INPP4B: variants seen among roughly 807,000 people sequenced by gnomAD.
The protein encoded by INPP4B is inositol polyphosphate 4-phosphatase type II.
Under a neutral mutation model 122.5 loss-of-function variants are expected in INPP4B, and 55 were observed. The ratio of observed to expected loss-of-function variants is 0.45; its 90% CI spans 0.36 to 0.56. INPP4B has a LOEUF of 0.56. Among genes scored for constraint, INPP4B ranks in the 20% least tolerant of loss-of-function variants. INPP4B has a pLI of 0.00. For missense variants in INPP4B, 1,000 were observed against 1,097.7 expected (o/e 0.91, Z 1.26); for synonymous variants, 403 against 388.7 (o/e 1.04, Z -0.43).
At chr4:142,359,002 G>C (rs1000377046) in intron 7 of INPP4B, among the ~76,000 whole-genome samples, 1 of 151,886 alleles carries the variant, frequency 6.6e-6, no homozygotes, top group African/African-American at 2.4e-5. Context: ...TCTGACCTAG[G>C]TACTGCAATA....
intron 5 of INPP4B, chr4:142,426,844 T>C (rs531468929): frequency 6.6e-6 from 1 of 152,102 alleles, no homozygotes; most frequent in South Asian, 2.1e-4. Context: ...TCCTAAATAA[T>C]TTGAATACTT....
At chr4:142,650,689 C>T (rs759679054) in intron 2 of INPP4B, among the ~76,000 whole-genome samples, 7 of 152,142 alleles carry the variant, frequency 4.6e-5, no homozygotes, top group African/African-American at 7.2e-5. Flanking sequence ...AATATATATG[C>T]ACCCAACACA....
intron 17 of INPP4B, among the ~76,000 whole-genome samples, chr4:142,153,884 G>A (rs887264821): frequency 6.6e-6 from 1 of 152,050 alleles, no homozygotes; most frequent in Admixed American, 6.6e-5. Flanking sequence ...TTTCACCTGG[G>A]GTTTCTTTTC....
chr4:142,307,065 A>T (rs1763658401), intron 8 of INPP4B, among the ~76,000 whole-genome samples: 1 of 152,190 alleles, frequency 6.6e-6, no homozygotes, highest in Non-Finnish European at 1.5e-5. Context: ...TTAGGCAAAA[A>T]ATAGATTTGT....
intron 10 of INPP4B, among the ~76,000 whole-genome samples, chr4:142,264,470 G>A (rs1172513736): frequency 1.3e-5 from 2 of 152,104 alleles, no homozygotes; most frequent in African/African-American, 4.8e-5. Context: ...TATTTCTCTT[G>A]TAATTTTTTC....
At chr4:142,466,550 G>C (rs1817818358) in intron 2 of INPP4B, among the ~76,000 whole-genome samples, 1 of 152,206 alleles carries the variant, frequency 6.6e-6, no homozygotes, top group Non-Finnish European at 1.5e-5. Flanking sequence ...GTAAAAGTTT[G>C]AAAAATTTGC....
Position 142,799,946 on chromosome 4 carries a change from T to A in INPP4B, c.-254+46263A>T, listed in dbSNP as rs61617465. On this transcript the variant is annotated intron_variant, in intron 1 of 25. Coordinates refer to ENST00000262992, the MANE Select transcript of INPP4B (RefSeq NM_001101669.3). The stretch of plus-strand genomic sequence containing the variant: ...ATGATGCAATGAACACTCTTATACA[T>A]AAAATCTTTGCCTCTTTTGGATTAT... 7.5e-3 allele frequency among the ~76,000 whole-genome samples: 1,146 copies of A among 152,180 alleles called. 9 individuals are homozygous for A. The highest frequency in any genetic ancestry group is 0.026 in the African/African-American group (1,070 of 41,556).
intron 7 of INPP4B, among the ~76,000 whole-genome samples, chr4:142,389,864 GA>G (rs1388691972): frequency 6.6e-6 from 1 of 152,192 alleles, no homozygotes; most frequent in Admixed American, 6.5e-5. Flanking sequence ...AAGGCATAGG[GA>G]TGTAAATTTT....
At chr4:142,322,873 AAGGACCCAAG>A in intron 7 of INPP4B, among the ~76,000 whole-genome samples, 1 of 152,328 alleles carries the variant, frequency 6.6e-6, no homozygotes, top group South Asian at 2.1e-4. Flanking sequence ...TGTCCAAGGG[AAGGACCCAAG>A]CATCAGTATT....
At chr4:142,211,137 G>A (rs1241310690) in intron 12 of INPP4B, among the ~76,000 whole-genome samples, 1 of 152,094 alleles carries the variant, frequency 6.6e-6, no homozygotes, top group Admixed American at 6.6e-5. Flanking sequence ...ATTGAGAAAA[G>A]TTCCAATATA....
chr4:142,181,394 G>A lies in INPP4B; in HGVS notation c.1182-7585C>T, dbSNP rs139061733. On this transcript the variant is annotated intron_variant, in intron 15 of 25. Coordinates refer to ENST00000262992, the MANE Select transcript of INPP4B (RefSeq NM_001101669.3). ...TCTTATTTTACAACTAAAAAAAAAG[G>A]AGGAAAGACAAAACAAACATTCAAA... Among the ~76,000 whole-genome samples, 728 of 152,168 alleles carry A rather than the reference G, an allele frequency of 4.8e-3. 4 individuals carry two copies. Among genetic ancestry groups the A allele is most frequent in the Middle Eastern group, 0.01 (3 of 294 alleles).
intron 25 of INPP4B, among the ~76,000 whole-genome samples, chr4:142,045,864 G>C (rs1355938231): frequency 6.6e-6 from 1 of 152,034 alleles, no homozygotes; most frequent in Non-Finnish European, 1.5e-5. Context: ...TTATATTCTA[G>C]TCAAAAAGGC....
chr4:142,623,238 G>A (rs79444510), intron 2 of INPP4B, among the ~76,000 whole-genome samples: 2,073 of 151,966 alleles, frequency 0.014, 36 homozygotes, highest in African/African-American at 0.039. Context: ...GTCTGACACC[G>A]TCCATTTCTA....
intron 25 of INPP4B, among the ~76,000 whole-genome samples, chr4:142,068,428 G>A (rs1179893272): frequency 6.6e-5 from 10 of 152,064 alleles, no homozygotes; most frequent in Admixed American, 2.0e-4. Flanking sequence ...ATCAACTAAC[G>A]AGCAAAATAA....
chr4:142,168,806 C>T (rs954021389), intron 16 of INPP4B, among the ~76,000 whole-genome samples: 18 of 151,512 alleles, frequency 1.2e-4, no homozygotes, highest in African/African-American at 3.9e-4. Flanking sequence ...GTGTGAAGCT[C>T]CTTCCTCTCT....
chr4:142,138,109 C>T (rs1245088690), intron 18 of INPP4B, among the ~76,000 whole-genome samples: 1 of 151,242 alleles, frequency 6.6e-6, no homozygotes, highest in African/African-American at 2.4e-5. Context: ...CGGCACTATT[C>T]ACAATAGCAA....
rs115311556 is a variant in INPP4B at position 142,132,405 on chromosome 4, T to G, written c.1721-7645A>C. Reference sequence around the variant, plus strand: ...CTCTCTACTTCTTCATCCTTTAATTTTGTAGAATTAATTCTACAGTGTTGT... The same window carrying G: ...CTCTCTACTTCTTCATCCTTTAATTGTGTAGAATTAATTCTACAGTGTTGT... On this transcript the variant is annotated intron_variant, in intron 18 of 25. Transcript: ENST00000262992. Among the ~76,000 whole-genome samples the G allele has an allele frequency of 5.4e-3, 821 of 152,296 alleles. 8 individuals are homozygous for G. The highest frequency in any genetic ancestry group is 0.019 in the African/African-American group (788 of 41,550).
At chr4:142,292,765 C>T (rs1424966385) in intron 9 of INPP4B, among the ~76,000 whole-genome samples, 2 of 151,978 alleles carry the variant, frequency 1.3e-5, no homozygotes, top group African/African-American at 4.8e-5. Context: ...TGTTTACTTC[C>T]CAATTTACGT....
intron 1 of INPP4B, among the ~76,000 whole-genome samples, chr4:142,817,590 C>G (rs548354745): frequency 1.3e-5 from 2 of 152,232 alleles, no homozygotes; most frequent in African/African-American, 2.4e-5. Flanking sequence ...CTTGGCCACA[C>G]AGGCCTCAGA....
Sources: allele counts gnomAD v4.1 joint callset (sites outside exome capture counted in the v4.1 genomes callset), GRCh38; gene constraint gnomAD v4.1.1; transcripts MANE v1.5; gene names NCBI Gene and HGNC (gene_info 2026-07-23, HGNC 2026-07-21).